The following ADIPOR2 variants were observed in gnomAD, a reference collection of about 807,000 sequenced individuals.
The protein encoded by ADIPOR2 is adiponectin receptor 2.
In ADIPOR2, 18 loss-of-function variants were observed where a neutral mutation model predicts 40.9. That is an observed-to-expected ratio of 0.44 (90% CI 0.30 to 0.65). The LOEUF (loss-of-function observed/expected upper bound fraction) is 0.65. Ranked by LOEUF, ADIPOR2 falls within the 30% of genes least tolerant of loss-of-function variation. The pLI is 0.09. For missense variants in ADIPOR2, 283 were observed against 479.2 expected (o/e 0.59, Z 3.82); for synonymous variants, 165 against 166.4 (o/e 0.99, Z 0.06).
At chr12:1,702,910 T>C (rs2094653411) in intron 1 of ADIPOR2, 2 of 152,238 alleles carry the variant, frequency 1.3e-5, no homozygotes, top group African/African-American at 4.8e-5. Flanking sequence ...GTGAGGTGGT[T>C]TTTAAGTGAA....
At chr12:1,767,269 CAAAAAAAAA>C (rs61401998) in intron 2 of ADIPOR2, among the ~76,000 whole-genome samples, 4 of 87,472 alleles carry the variant, frequency 4.6e-5, no homozygotes, top group South Asian at 4.0e-4. Flanking sequence ...AAGACTTCGT[CAAAAAAAAA>C]AAAAAAAAAA....
chr12:1,765,240 A>G (rs1266642988), intron 2 of ADIPOR2, among the ~76,000 whole-genome samples: 2 of 152,216 alleles, frequency 1.3e-5, no homozygotes, highest in Non-Finnish European at 2.9e-5. Context: ...CAGCACCTAC[A>G]TGATTTTAAA....
At chr12:1,719,680 C>CT (rs575664850) in intron 1 of ADIPOR2, among the ~76,000 whole-genome samples, 1,482 of 142,504 alleles carry the variant, frequency 0.01, 11 homozygotes, top group South Asian at 0.035. Context: ...TTGTTTTCAT[C>CT]TTTTTTTTTT....
Position 1,785,992 on chromosome 12 carries a change from G to T in ADIPOR2, c.1081G>T (p.Val361Phe), listed in dbSNP as rs1202209457. ...TATCTTTGTGGTTGCTGGAGCTTTT[G>T]TTCACTTCCATGGTGTCTCAAACCT... ...FHIFVVAGAF[V>F]HFHGVSNLQE... is the part of the protein sequence containing the mutation. Residue 361 changes from valine (V) to phenylalanine (F), a missense_variant, in exon 8 of 8, where the codon GTT (valine) becomes TTT (phenylalanine). This residue lies in a region of ADIPOR2 where 106 missense variants were observed against 149.7 expected (regional missense o/e 0.71). Coordinates refer to ENST00000357103, the MANE Select transcript of ADIPOR2 (RefSeq NM_024551.3). 6.2e-7 allele frequency: 1 copy of T among 1,613,946 alleles called. No homozygotes were observed. The highest frequency in any genetic ancestry group is 8.5e-7 in the Non-Finnish European group (1 of 1,180,010).
chr12:1,691,841 C>CT, intron 1 of ADIPOR2, among the ~76,000 whole-genome samples: 1 of 152,216 alleles, frequency 6.6e-6, no homozygotes, highest in African/African-American at 2.4e-5. Flanking sequence ...ACTGTTAGCT[C>CT]TTTTTTCCTC....
chr12:1,745,977 G>A (rs2094754101), intron 1 of ADIPOR2, among the ~76,000 whole-genome samples: 1 of 152,026 alleles, frequency 6.6e-6, no homozygotes, highest in Admixed American at 6.6e-5. Context: ...AGTTACTAAA[G>A]AATGTAAAAT....
rs762140023 is a variant in ADIPOR2, at chr12:1,752,921, G to A, written c.-86-1337G>A. 3.9e-5 allele frequency among the ~76,000 whole-genome samples: 6 copies of A among 152,272 alleles called. No homozygotes were observed. In the South Asian group the frequency reaches 6.2e-4, roughly 16 times the overall value. ...TAATTTATAATCTCAATAGTATCAT[G>A]TGCTTGGCCCAGGTACATGCCCAGG... On this transcript the variant is annotated intron_variant, in intron 1 of 7. Coordinates refer to ENST00000357103, the MANE Select transcript of ADIPOR2 (RefSeq NM_024551.3).
chr12:1,779,152 C>A (rs904028948), intron 4 of ADIPOR2, among the ~76,000 whole-genome samples: 1 of 152,114 alleles, frequency 6.6e-6, no homozygotes, highest in Non-Finnish European at 1.5e-5. Flanking sequence ...CATAGAGTTA[C>A]CAGAAATCAA....
At chr12:1,750,436 G>A (rs901502897) in intron 1 of ADIPOR2, among the ~76,000 whole-genome samples, 9 of 150,734 alleles carry the variant, frequency 6.0e-5, no homozygotes. Flanking sequence ...GTATGGTGGT[G>A]TGCACCTGTA....
intron 1 of ADIPOR2, among the ~76,000 whole-genome samples, chr12:1,701,199 G>C (rs1480258100): frequency 1.4e-5 from 2 of 144,226 alleles, no homozygotes; most frequent in Non-Finnish European, 3.0e-5. Flanking sequence ...GTATGATCAT[G>C]GCTCACTGCA....
At chr12:1,777,371 A>AT (rs1565657964) in intron 3 of ADIPOR2, among the ~76,000 whole-genome samples, 6 of 111,812 alleles carry the variant, frequency 5.4e-5, no homozygotes, top group East Asian at 2.8e-4. Flanking sequence ...TTAAAAGTAT[A>AT]TTTTTTCTTT....
At chr12:1,732,280 A>C (rs1379867866) in intron 1 of ADIPOR2, among the ~76,000 whole-genome samples, 2 of 152,216 alleles carry the variant, frequency 1.3e-5, no homozygotes, top group Non-Finnish European at 2.9e-5. Flanking sequence ...GTTATCACAG[A>C]ATAGTTTCAC....
Position 1,719,604 on chromosome 12 carries a change from T to G in ADIPOR2, c.-87+28413T>G, listed in dbSNP as rs2094693908. On this transcript the variant is annotated intron_variant, in intron 1 of 7. Transcript: ENST00000357103. ...AGATAATCCTTGGGAAATATTTTAT[T>G]GCATGTAGTAAACACTCAGAGCATG... Among the ~76,000 whole-genome samples, 3 of 152,328 alleles carry G rather than the reference T, an allele frequency of 2.0e-5. No homozygotes were observed. The South Asian group carries it at 6.2e-4, about 32-fold the overall frequency.
At chr12:1,745,556 T>C (rs902105735) in intron 1 of ADIPOR2, among the ~76,000 whole-genome samples, 9 of 152,238 alleles carry the variant, frequency 5.9e-5, no homozygotes, top group African/African-American at 2.2e-4. Context: ...CTAAAAAATT[T>C]ATGTTGATAG....
intron 3 of ADIPOR2, among the ~76,000 whole-genome samples, chr12:1,777,220 GGT>G (rs1862613453): frequency 1.7e-3 from 1 of 582 alleles, no homozygotes; most frequent in South Asian, 0.25. Context: ...CTGTTATATA[GGT>G]AGGATGAAGG....
chr12:1,780,783 T>C, intron 5 of ADIPOR2, 106 bp from the exon 6 acceptor site: 1 of 1,371,724 alleles, frequency 7.3e-7, no homozygotes, highest in Non-Finnish European at 9.8e-7. Context: ...CCAGTTTGGC[T>C]CTTAGGTGTC....
At chr12:1,745,864 T>C (rs1196999287) in intron 1 of ADIPOR2, among the ~76,000 whole-genome samples, 1 of 151,208 alleles carries the variant, frequency 6.6e-6, no homozygotes, top group Non-Finnish European at 1.5e-5. Flanking sequence ...TACCAGCTTA[T>C]TTTGGTGCAA....
chr12:1,691,680 C>T (rs1258887158), intron 1 of ADIPOR2, among the ~76,000 whole-genome samples: 1 of 152,204 alleles, frequency 6.6e-6, no homozygotes, highest in Non-Finnish European at 1.5e-5. Context: ...AGTTCCCTCA[C>T]CTTTTTCAGG....
At chr12:1,718,823 G>C (rs1217538236) in intron 1 of ADIPOR2, among the ~76,000 whole-genome samples, 1 of 152,162 alleles carries the variant, frequency 6.6e-6, no homozygotes, top group Non-Finnish European at 1.5e-5. Context: ...AGGAAAGTCA[G>C]CTAGTGGGGT....
Sources: allele counts gnomAD v4.1 joint callset (sites outside exome capture counted in the v4.1 genomes callset), GRCh38; gene constraint gnomAD v4.1.1; regional missense constraint gnomAD v4.1.1; transcripts MANE v1.5; gene names NCBI Gene and HGNC (gene_info 2026-07-23, HGNC 2026-07-21).